PTPRG: variants seen among roughly 807,000 people sequenced by gnomAD.
The protein encoded by PTPRG is receptor-type tyrosine-protein phosphatase gamma.
A neutral mutation model predicts 165.3 loss-of-function variants in PTPRG; 102 were observed. That is an observed-to-expected ratio of 0.62 (90% CI 0.53 to 0.73). The LOEUF is 0.73. PTPRG is among the 30% of genes least tolerant of loss of function. The pLI is 0.00. For synonymous variants in PTPRG, 675 were observed against 669.5 expected (o/e 1.01, Z -0.13); for missense variants, 1,866 against 1,861.4 (o/e 1.00, Z -0.05).
chr3:61,645,305 A>G (rs1384246660), intron 1 of PTPRG, among the ~76,000 whole-genome samples: 1 of 152,200 alleles, frequency 6.6e-6, no homozygotes. Context: ...TTCCTTTTCT[A>G]TGCTGTGTGT....
chr3:61,654,694 A>T (rs1311368044), intron 1 of PTPRG, among the ~76,000 whole-genome samples: 1 of 149,014 alleles, frequency 6.7e-6, no homozygotes, highest in Non-Finnish European at 1.5e-5. Context: ...CCTATAATAT[A>T]ATTCTATCCT....
chr3:61,623,188 A>C (rs1701509990), intron 1 of PTPRG, among the ~76,000 whole-genome samples: 1 of 152,174 alleles, frequency 6.6e-6, no homozygotes, highest in Admixed American at 6.5e-5. Context: ...AAGATACCAA[A>C]CCTTGGAAGG....
rs555196979 is a variant in PTPRG at position 61,625,640 on chromosome 3, G to A, written c.85+63268G>A. Among the ~76,000 whole-genome samples the A allele has an allele frequency of 2.0e-5, 3 of 152,178 alleles. No homozygotes were observed. In the South Asian group the frequency reaches 6.2e-4, roughly 32 times the overall value. On this transcript the variant is annotated intron_variant, in intron 1 of 29. Transcript: ENST00000474889. ...TGTTGATGTGGTCATAGTCATACAC[G>A]TCATGGGATGTTTGCTGCTCTCGAT... is the stretch of plus-strand genomic sequence containing the variant.
chr3:61,689,651 CTT>C (rs1463707740), intron 1 of PTPRG, among the ~76,000 whole-genome samples: 1 of 152,138 alleles, frequency 6.6e-6, no homozygotes, highest in African/African-American at 2.4e-5. Context: ...TGCATCAGAT[CTT>C]TTTCTCTCAG....
chr3:61,635,584 T>C (rs1265993545), intron 1 of PTPRG, among the ~76,000 whole-genome samples: 1 of 151,956 alleles, frequency 6.6e-6, no homozygotes, highest in African/African-American at 2.4e-5. Flanking sequence ...TTTCAAACTC[T>C]TGAGCTCAAG....
intron 8 of PTPRG, among the ~76,000 whole-genome samples, chr3:62,187,853 AT>A (rs1699702069): frequency 1.3e-5 from 2 of 152,156 alleles, no homozygotes. Context: ...CTCTCGTGTA[AT>A]CAGGGACAAG....
chr3:61,902,364 G>A (rs746498578), intron 2 of PTPRG, among the ~76,000 whole-genome samples: 3 of 152,194 alleles, frequency 2.0e-5, no homozygotes, highest in Non-Finnish European at 4.4e-5. Context: ...GGAGAAGCAG[G>A]TGCTTGCTAG....
intron 2 of PTPRG, among the ~76,000 whole-genome samples, chr3:61,804,166 C>T (rs1192160651): frequency 6.6e-6 from 1 of 152,184 alleles, no homozygotes; most frequent in East Asian, 1.9e-4. Flanking sequence ...ATATTTCACA[C>T]AAAAGCAGGG....
intron 1 of PTPRG, among the ~76,000 whole-genome samples, chr3:61,701,705 C>T (rs977035252): frequency 6.6e-6 from 1 of 152,038 alleles, no homozygotes; most frequent in Non-Finnish European, 1.5e-5. Flanking sequence ...CAGGACCAGC[C>T]TGGCAACATG....
At chr3:62,037,749 A>G (rs144000662) in intron 4 of PTPRG, among the ~76,000 whole-genome samples, 196 of 152,288 alleles carry the variant, frequency 1.3e-3, no homozygotes, top group African/African-American at 4.5e-3. Context: ...GAGGGCTGGA[A>G]AGGCCCAGGT....
intron 28 of PTPRG, among the ~76,000 whole-genome samples, chr3:62,285,138 T>G (rs1702592660): frequency 6.6e-6 from 1 of 152,056 alleles, no homozygotes; most frequent in Non-Finnish European, 1.5e-5. Flanking sequence ...CAATGGTAAT[T>G]TATTCATCCC....
In PTPRG at chr3:61,562,141, A is replaced by C. The variant is rs1488692512; in HGVS notation, c.-147A>C. 1.6e-6 allele frequency: 1 copy of C among 640,774 alleles called. No homozygotes were observed. The highest frequency in any genetic ancestry group is 2.8e-5 in the East Asian group (1 of 35,642). 39.7% of individuals were successfully genotyped at this position (640,774 alleles called of 1,614,324 possible). On this transcript the variant is annotated 5_prime_UTR_variant, in exon 1 of 30. Coordinates refer to ENST00000474889, the MANE Select transcript of PTPRG (RefSeq NM_002841.4). ...GCGCTCGGCGGCTTCCCGGATTCCA[A>C]GGGGACTCGGGCCGCCGAGCGCGGG...
At chr3:62,091,361 T>C (rs1251059903) in intron 5 of PTPRG, among the ~76,000 whole-genome samples, 1 of 152,218 alleles carries the variant, frequency 6.6e-6, no homozygotes, top group Non-Finnish European at 1.5e-5. Flanking sequence ...TCTTTCTTAC[T>C]ACTTTAAAGA....
At chr3:62,166,459 C>T (rs959078916) in intron 7 of PTPRG, among the ~76,000 whole-genome samples, 1 of 151,442 alleles carries the variant, frequency 6.6e-6, no homozygotes, top group African/African-American at 2.4e-5. Flanking sequence ...GCCTCAGCCT[C>T]CCGAGTAGCT....
At chr3:61,743,277 C>G (rs1021448209) in intron 1 of PTPRG, among the ~76,000 whole-genome samples, 1 of 152,192 alleles carries the variant, frequency 6.6e-6, no homozygotes, top group Non-Finnish European at 1.5e-5. Context: ...TGCCTAGCAA[C>G]CAACTTGACT....
chr3:62,078,386 A>G (rs542375063), intron 5 of PTPRG, 128 bp downstream of exon 5: 2 of 618,070 alleles, frequency 3.2e-6, no homozygotes, highest in Admixed American at 3.6e-5. Context: ...AAGATATTTC[A>G]TATTGTCTAA....
chr3:61,568,009 G>A (rs1479016743), intron 1 of PTPRG, among the ~76,000 whole-genome samples: 2 of 149,840 alleles, frequency 1.3e-5, no homozygotes, highest in African/African-American at 4.9e-5. Flanking sequence ...TCTGAGAAAT[G>A]GGAGCAACCA....
intron 2 of PTPRG, among the ~76,000 whole-genome samples, chr3:61,988,905 A>G (rs1322236071): frequency 6.6e-6 from 1 of 152,232 alleles, no homozygotes; most frequent in Non-Finnish European, 1.5e-5. Context: ...TATTAGAATT[A>G]TGCTTTATGG....
At chr3:62,145,473 T>G (rs1704084525) in intron 6 of PTPRG, among the ~76,000 whole-genome samples, 1 of 152,110 alleles carries the variant, frequency 6.6e-6, no homozygotes, top group Non-Finnish European at 1.5e-5. Flanking sequence ...TCACTGCCCA[T>G]GTAGTAAAAT....
Sources: allele counts gnomAD v4.1 joint callset (sites outside exome capture counted in the v4.1 genomes callset), GRCh38; gene constraint gnomAD v4.1.1; transcripts MANE v1.5; gene names NCBI Gene and HGNC (gene_info 2026-07-23, HGNC 2026-07-21).